Variants in PIK3R6 observed in about 807,000 individuals in gnomAD.
PIK3R6 encodes the protein phosphoinositide-3-kinase regulatory subunit 6, also known as phosphoinositide 3-kinase regulatory subunit 6.
Under a neutral mutation model 84.9 loss-of-function variants are expected in PIK3R6, and 91 were observed. The observed-to-expected ratio is 1.07, with a 90% CI of 0.90 to 1.28. The LOEUF (loss-of-function observed/expected upper bound fraction) is 1.28. PIK3R6 is among the 50% of genes most tolerant of loss of function. The pLI is 0.00. For missense variants in PIK3R6, 996 were observed against 985.1 expected (o/e 1.01, Z -0.15); for synonymous variants, 416 against 411.4 (o/e 1.01, Z -0.13).
chr17:8,827,330 C>T, intron 12 of PIK3R6, 36 bp from the exon 13 acceptor site: 1 of 1,539,948 alleles, frequency 6.5e-7, no homozygotes, highest in Non-Finnish European at 8.7e-7. Context: ...CCGTCAGGCC[C>T]TCTCTCCAGC....
Position 8,832,883 on chromosome 17 carries a change from G to T in PIK3R6, c.802+6C>A. The stretch of plus-strand genomic sequence containing the variant: ...TGCCAAGGCCCCCCATCTGCCAGTC[G>T]CTTACCACCGCAGCGCCCCGCCGCG... On this transcript the variant is annotated splice_donor_region_variant and intron_variant, in intron 9 of 19. Coordinates refer to ENST00000619866, the MANE Select transcript of PIK3R6 (RefSeq NM_001010855.4). 4 of 1,612,356 alleles carry T rather than the reference G, an allele frequency of 2.5e-6. No individual in the cohort carries two copies. Among genetic ancestry groups the T allele is most frequent in the Non-Finnish European group, 3.4e-6 (4 of 1,179,674 alleles).
chr17:8,816,344 G>C (rs79757589), intron 18 of PIK3R6, among the ~76,000 whole-genome samples: 5,047 of 152,210 alleles, frequency 0.033, 449 homozygotes, highest in East Asian at 0.29. Context: ...TGTGATAAGA[G>C]AGCATTGTCC....
chr17:8,819,695 CA>C (rs1214562803), intron 17 of PIK3R6, among the ~76,000 whole-genome samples: 3 of 124,834 alleles, frequency 2.4e-5, no homozygotes, highest in African/African-American at 1.0e-4. Flanking sequence ...TATATACACA[CA>C]CACACACACA....
In PIK3R6 at chr17:8,829,990, A is replaced by G. The variant is rs2088178332; in HGVS notation, c.803-198T>C. Among the ~76,000 whole-genome samples the G allele has an allele frequency of 2.0e-5, 3 of 152,114 alleles. No individual in the cohort carries two copies. The South Asian group carries it at 6.2e-4, about 32-fold the overall frequency. The stretch of plus-strand genomic sequence containing the variant: ...AGTGCAGCTGTCCCCTCCCTGTCCA[A>G]CAATGCTTAGTAGCTACGTTTTCTC... On this transcript the variant is annotated intron_variant, in intron 9 of 19. Transcript: ENST00000619866.
At chr17:8,805,826 G>A (rs574604345) in intron 18 of PIK3R6, among the ~76,000 whole-genome samples, 3 of 152,092 alleles carry the variant, frequency 2.0e-5, no homozygotes, top group Admixed American at 6.5e-5. Context: ...GCTGAGGCAG[G>A]AGGATCGCTT....
Position 8,828,748 on chromosome 17 carries a change from G to GA in PIK3R6, c.1131_1132insT (p.Pro378SerfsTer47). On this transcript the variant is annotated frameshift_variant, in exon 11 of 20. Transcript: ENST00000619866. LOFTEE classifies it high-confidence loss of function. ...CTGCCAGGCATCAAGAAGTCCAGGG[G>GA]CCATGCACGCTTCTTGATGCCCCCT... is the stretch of plus-strand genomic sequence containing the variant. 6.2e-7 allele frequency: 1 copy of GA among 1,602,092 alleles called. No homozygotes were observed. Among genetic ancestry groups the GA allele is most frequent in the Non-Finnish European group, 8.5e-7 (1 of 1,172,918 alleles).
intron 18 of PIK3R6, among the ~76,000 whole-genome samples, chr17:8,813,628 A>G (rs1168519298): frequency 6.6e-6 from 1 of 152,236 alleles, no homozygotes; most frequent in Non-Finnish European, 1.5e-5. Context: ...AATGTGACTC[A>G]CCACATAAAC....
intron 2 of PIK3R6, among the ~76,000 whole-genome samples, chr17:8,841,340 C>T (rs2088670801): frequency 1.3e-5 from 2 of 152,310 alleles, no homozygotes; most frequent in South Asian, 2.1e-4. Flanking sequence ...TTGGCCTGCC[C>T]ATCCCAGTTT....
chr17:8,828,644 C>T lies in PIK3R6; in HGVS notation c.1236G>A (p.Arg412=), dbSNP rs747777078. The T allele has an allele frequency of 6.2e-7, 1 of 1,613,058 alleles. No individual in the cohort carries two copies. Among genetic ancestry groups the T allele is most frequent in the Non-Finnish European group, 8.5e-7 (1 of 1,179,634 alleles). The change falls in exon 11 of 20, where the codon CGG becomes CGA. Residue 412 remains arginine (R), a synonymous_variant. Transcript: ENST00000619866. ...GDGEMLPGVS[R]LHTARVLVLG... Reference sequence around the variant, plus strand: ...GCACAAGTACCCGGGCTGTGTGCAGCCGGGACACGCCGGGCAGCATTTCCC... The same window carrying T: ...GCACAAGTACCCGGGCTGTGTGCAGTCGGGACACGCCGGGCAGCATTTCCC...
At chr17:8,821,459 A>G (rs942916703) in intron 17 of PIK3R6, among the ~76,000 whole-genome samples, 4 of 152,284 alleles carry the variant, frequency 2.6e-5, no homozygotes, top group Non-Finnish European at 5.9e-5. Context: ...ATGAGCTAAT[A>G]TTTATAATTT....
chr17:8,827,763 GGAGAGAGAGAGAGAGAGAGAGAGAGA>G (rs199969342), intron 12 of PIK3R6, among the ~76,000 whole-genome samples: 3 of 34,828 alleles, frequency 8.6e-5, no homozygotes, highest in South Asian at 8.9e-4. Flanking sequence ...GAGAGAGAGA[GGAGAGAGAGAGAGAGAGAGAGAGAGA>G]GAGAGAGAGA....
intron 18 of PIK3R6, among the ~76,000 whole-genome samples, chr17:8,811,766 T>C (rs1487309130): frequency 6.7e-6 from 1 of 148,286 alleles, no homozygotes; most frequent in Non-Finnish European, 1.5e-5. Context: ...ATCAACATTT[T>C]GGGCAAAACC....
At chr17:8,811,232 G>A (rs1272863952) in intron 18 of PIK3R6, among the ~76,000 whole-genome samples, 5 of 148,536 alleles carry the variant, frequency 3.4e-5, no homozygotes, top group African/African-American at 1.3e-4. Flanking sequence ...CATGGCTGGA[G>A]CAGCTGGGAT....
In PIK3R6 at chr17:8,823,145, T is replaced by C; in HGVS notation, c.1627-59A>G. ...TGTGATTTCCAAATCACTCTATCCC[T>C]GATTTCCAGGGATCCAGGGCCATGG... is the stretch of plus-strand genomic sequence containing the variant. On this transcript the variant is annotated intron_variant, in intron 14 of 19. Coordinates refer to ENST00000619866, the MANE Select transcript of PIK3R6 (RefSeq NM_001010855.4). 3 of 1,341,860 alleles carry C rather than the reference T, an allele frequency of 2.2e-6. No individual in the cohort carries two copies. In the South Asian group the frequency reaches 3.6e-5, roughly 16 times the overall value. The allele number at this position is 1,341,860 out of a possible 1,614,324, so 83.1% of individuals were successfully genotyped here.
intron 18 of PIK3R6, among the ~76,000 whole-genome samples, chr17:8,811,451 T>C (rs1444633128): frequency 6.7e-6 from 1 of 148,490 alleles, no homozygotes; most frequent in Non-Finnish European, 1.5e-5. Context: ...CAGCCTGAAT[T>C]TCTCCTCAAA....
intron 10 of PIK3R6, 131 bp downstream of exon 10, chr17:8,829,575 C>CAT (rs2088145965): frequency 1.0e-6 from 1 of 968,268 alleles, no homozygotes. Flanking sequence ...CATACACACA[C>CAT]AGACACACTG....
In PIK3R6 at chr17:8,828,944, G is replaced by C; in HGVS notation, c.936C>G (p.Leu312=). 3.3e-6 allele frequency: 5 copies of C among 1,510,426 alleles called. No individual in the cohort carries two copies. Among genetic ancestry groups the C allele is most frequent in the Non-Finnish European group, 4.4e-6 (5 of 1,129,532 alleles). 93.6% of individuals were successfully genotyped at this position (1,510,426 alleles called of 1,614,324 possible). A position where few individuals can be genotyped will look rare whatever the true frequency, so the allele number is the denominator to read the frequency against. The change falls in exon 11 of 20, where the codon CTC becomes CTG. Residue 312 remains leucine (L), a synonymous_variant. Transcript: ENST00000619866. Reference sequence around the variant, plus strand: ...GATCCAAGACCTCCAAGTCAGCACTGAGGCGCAGCTGGGATCTTGGGCGGA... The same window carrying C: ...GATCCAAGACCTCCAAGTCAGCACTCAGGCGCAGCTGGGATCTTGGGCGGA... ...LFLRPRSQLR[L]SADLEVLDLQ...
chr17:8,852,573 A>T (rs1192108107), intron 1 of PIK3R6, among the ~76,000 whole-genome samples: 1 of 152,086 alleles, frequency 6.6e-6, no homozygotes, highest in African/African-American at 2.4e-5. Context: ...CCCCGTCTCT[A>T]CTAAAAAATA....
Position 8,839,750 on chromosome 17 carries a change from T to TCCCAC in PIK3R6, c.14-58_14-54dup. On this transcript the variant is annotated intron_variant, in intron 2 of 19. Transcript: ENST00000619866. This position sits in a 1 kb window ranked among gnomAD's most constrained non-coding sequence, Gnocchi z 4.2. Reference sequence around the variant, plus strand: ...CTCAGTCCACTGAACCTCACCCTCGTCCCACCTCCATTCCTTCCGAGAGTG... The same window carrying TCCCAC: ...CTCAGTCCACTGAACCTCACCCTCGTCCCACCCCACCTCCATTCCTTCCGAGAGTG... 7.1e-7 allele frequency: 1 copy of TCCCAC among 1,409,686 alleles called. No individual in the cohort carries two copies. 87.3% of individuals were successfully genotyped at this position (1,409,686 alleles called of 1,614,324 possible). A position where few individuals can be genotyped will look rare whatever the true frequency, so the allele number is the denominator to read the frequency against.
Sources: gnomAD v4.1 joint callset for allele counts (sites outside exome capture counted in the v4.1 genomes callset) on GRCh38, gnomAD v4.1.1 for gene constraint, Gnocchi (gnomAD v3.1) non-coding constraint, MANE v1.5 for transcripts, NCBI Gene and HGNC (gene_info 2026-07-23, HGNC 2026-07-21) for gene names.